Variants in SLC24A3 observed in about 807,000 individuals in gnomAD.
SLC24A3 encodes solute carrier family 24 member 3.
SLC24A3 carries 28 observed loss-of-function variants against 75.8 expected under a neutral mutation model. The ratio of observed to expected loss-of-function variants is 0.37; its 90% CI spans 0.27 to 0.51. SLC24A3 has a LOEUF of 0.51. Among genes scored for constraint, SLC24A3 ranks in the 20% least tolerant of loss-of-function variants. The pLI is 0.94. For synonymous variants in SLC24A3, 372 were observed against 334.1 expected, an observed-to-expected ratio of 1.11 and a Z score of -1.24; for missense variants, 663 against 847.8, an observed-to-expected ratio of 0.78 and a Z score of 2.71.
intron 2 of SLC24A3, among the ~76,000 whole-genome samples, chr20:19,392,014 G>T (rs1986374592): frequency 6.6e-6 from 1 of 152,170 alleles, no homozygotes; most frequent in East Asian, 1.9e-4. Context: ...CTTCCTTTCA[G>T]AAATCTAACT....
intron 6 of SLC24A3, among the ~76,000 whole-genome samples, chr20:19,626,847 T>C (rs893595434): frequency 6.6e-6 from 1 of 152,224 alleles, no homozygotes; most frequent in African/African-American, 2.4e-5. Context: ...ATATACCTAT[T>C]TGATCATTCC....
At chr20:19,584,422 C>A (rs147740230) in intron 4 of SLC24A3, among the ~76,000 whole-genome samples, 1 of 152,124 alleles carries the variant, frequency 6.6e-6, no homozygotes, top group South Asian at 2.1e-4. Flanking sequence ...TTACCATGAG[C>A]GTCATTTAGC....
intron 3 of SLC24A3, among the ~76,000 whole-genome samples, chr20:19,527,866 T>C (rs904504109): frequency 8.5e-5 from 13 of 152,214 alleles, no homozygotes; most frequent in Non-Finnish European, 1.8e-4. Flanking sequence ...TCTACTGAGA[T>C]TTTATTTCAG....
chr20:19,522,825 A>G (rs2030128082), intron 3 of SLC24A3, among the ~76,000 whole-genome samples: 1 of 151,460 alleles, frequency 6.6e-6, no homozygotes, highest in Admixed American at 6.6e-5. Context: ...AATCATCTAT[A>G]TTTATGGGGT....
chr20:19,346,042 T>G (rs1412219758), intron 2 of SLC24A3, among the ~76,000 whole-genome samples: 1 of 110,538 alleles, frequency 9.0e-6, no homozygotes, highest in African/African-American at 3.7e-5. Flanking sequence ...CAAATGCCCA[T>G]CAATCAATGA....
Position 19,513,998 on chromosome 20 carries a change from G to A in SLC24A3, c.272-1490G>A, listed in dbSNP as rs182317457. Among the ~76,000 whole-genome samples, 3 of 152,326 alleles carry A rather than the reference G, an allele frequency of 2.0e-5. No homozygotes were observed. In the East Asian group the frequency reaches 5.8e-4, roughly 29 times the overall value. On this transcript the variant is annotated intron_variant, in intron 2 of 16. Coordinates refer to ENST00000328041, the MANE Select transcript of SLC24A3 (RefSeq NM_020689.4). ...TATTTTTAACTGTCCCCCACTTGCT[G>A]TACTTTGGAAGGTGAGCCTTGCTTT... is the stretch of plus-strand genomic sequence containing the variant.
chr20:19,376,550 T>A (rs761481934), intron 2 of SLC24A3, among the ~76,000 whole-genome samples: 1 of 152,018 alleles, frequency 6.6e-6, no homozygotes, highest in Non-Finnish European at 1.5e-5. Context: ...ATTATTTCAT[T>A]CCCCAGCATG....
intron 2 of SLC24A3, among the ~76,000 whole-genome samples, chr20:19,387,686 T>C (rs1986294669): frequency 6.6e-6 from 1 of 152,222 alleles, no homozygotes; most frequent in South Asian, 2.1e-4. Context: ...GAAAAGACAC[T>C]TGATATGATT....
At chr20:19,224,231 C>T (rs1356815979) in intron 1 of SLC24A3, among the ~76,000 whole-genome samples, 1 of 152,140 alleles carries the variant, frequency 6.6e-6, no homozygotes. Flanking sequence ...ACAGATCCAA[C>T]ACCACAAGGA....
chr20:19,517,337 G>A (rs555077403), intron 3 of SLC24A3, among the ~76,000 whole-genome samples: 14 of 152,228 alleles, frequency 9.2e-5, no homozygotes, highest in Admixed American at 6.5e-4. Context: ...AGATGTTGTC[G>A]CCTGCAGCTG....
At chr20:19,255,309 G>A (rs73124843) in intron 1 of SLC24A3, among the ~76,000 whole-genome samples, 16,385 of 152,250 alleles carry the variant, frequency 0.11, 1,152 homozygotes, top group Non-Finnish European at 0.15. Context: ...AATTCCCTCC[G>A]CTATAGGATG....
chr20:19,473,103 T>G (rs1326066401), intron 2 of SLC24A3, among the ~76,000 whole-genome samples: 1 of 152,156 alleles, frequency 6.6e-6, no homozygotes, highest in African/African-American at 2.4e-5. Flanking sequence ...CTCCCCTCCT[T>G]CCTGAACCCC....
chr20:19,558,023 G>T (rs1296132813), intron 3 of SLC24A3, among the ~76,000 whole-genome samples: 1 of 152,102 alleles, frequency 6.6e-6, no homozygotes, highest in Non-Finnish European at 1.5e-5. Context: ...TGTTAAAATA[G>T]AACTAAATGC....
At chr20:19,310,855 G>T (rs1329921934) in intron 2 of SLC24A3, among the ~76,000 whole-genome samples, 1 of 152,192 alleles carries the variant, frequency 6.6e-6, no homozygotes, top group Non-Finnish European at 1.5e-5. Flanking sequence ...CTAAAGACAA[G>T]CTCCAAGGAC....
intron 2 of SLC24A3, among the ~76,000 whole-genome samples, chr20:19,391,736 C>T (rs1305981536): frequency 6.6e-6 from 1 of 152,134 alleles, no homozygotes; most frequent in Non-Finnish European, 1.5e-5. Context: ...TTGGGACGGG[C>T]CTTGGCTGAC....
At chr20:19,676,556 C>T (rs1435663791) in intron 9 of SLC24A3, among the ~76,000 whole-genome samples, 1 of 152,132 alleles carries the variant, frequency 6.6e-6, no homozygotes, top group Admixed American at 6.5e-5. Flanking sequence ...AATAAAATAG[C>T]TTCAGGGTGC....
At chr20:19,403,405 T>C (rs554426146) in intron 2 of SLC24A3, among the ~76,000 whole-genome samples, 2 of 152,280 alleles carry the variant, frequency 1.3e-5, no homozygotes, top group Admixed American at 1.3e-4. Context: ...TTTAAAGAAA[T>C]AGTTATTGAG....
intron 2 of SLC24A3, among the ~76,000 whole-genome samples, chr20:19,306,850 A>G (rs1374246391): frequency 2.7e-5 from 4 of 150,892 alleles, no homozygotes; most frequent in Non-Finnish European, 5.9e-5. Context: ...CGCAGAGTCT[A>G]AAACAAAAGA....
Position 19,678,228 on chromosome 20 carries a change from C to T in SLC24A3, c.768-3630C>T, listed in dbSNP as rs1309147000. On this transcript the variant is annotated intron_variant, in intron 9 of 16. Coordinates refer to ENST00000328041, the MANE Select transcript of SLC24A3 (RefSeq NM_020689.4). ...GTTCTCAATGAGCTGTTGGGCACAC[C>T]TCCCAGACGGGGTGGTGGCCGGGCA... Among the ~76,000 whole-genome samples, 22 of 150,942 alleles carry T rather than the reference C, an allele frequency of 1.5e-4. 1 individual carries two copies. Among genetic ancestry groups the T allele is most frequent in the Non-Finnish European group, 3.0e-4 (20 of 67,580 alleles).
Sources: gnomAD v4.1 joint callset for allele counts (sites outside exome capture counted in the v4.1 genomes callset) on GRCh38, gnomAD v4.1.1 for gene constraint, MANE v1.5 for transcripts, NCBI Gene and HGNC (gene_info 2026-07-23, HGNC 2026-07-21) for gene names.